Variants in USP30 observed in about 807,000 individuals in gnomAD.
USP30 encodes ubiquitin carboxyl-terminal hydrolase 30.
Under a neutral mutation model 68.2 loss-of-function variants are expected in USP30, and 41 were observed. The ratio of observed to expected loss-of-function variants is 0.60; its 90% confidence interval spans 0.47 to 0.78. The LOEUF is 0.78. Among genes scored for constraint, USP30 ranks in the 30% least tolerant of loss-of-function variants. The pLI is 0.00. For missense variants in USP30, 522 were observed against 649.4 expected (o/e 0.80, Z 2.13); for synonymous variants, 229 against 253.7 (o/e 0.90, Z 0.93).
intron 3 of USP30, among the ~76,000 whole-genome samples, chr12:109,039,693 C>A (rs573145681): frequency 6.6e-6 from 1 of 152,110 alleles, no homozygotes; most frequent in Non-Finnish European, 1.5e-5. Context: ...TCACTGCAAC[C>A]TCCACCTCCC....
Position 109,041,960 on chromosome 12 carries a change from T to G in USP30, c.-135-5630T>G, listed in dbSNP as rs1042455327. ...ACTTATAGAGTATCTCTCAAATTAT[T>G]TTTTAATTATAAAAAAATTGTAGAA... On this transcript the variant is annotated intron_variant, in intron 3 of 15. Coordinates refer to the USP30 transcript ENST00000392784. Among the ~76,000 whole-genome samples the G allele has an allele frequency of 3.3e-5, 5 of 152,232 alleles. No homozygotes were observed. The East Asian group carries it at 9.6e-4, about 29-fold the overall frequency.
At chr12:109,051,139 C>G (rs759277582), upstream of USP30, among the ~76,000 whole-genome samples, 1 of 152,134 alleles carries the variant, frequency 6.6e-6, no homozygotes, top group Non-Finnish European at 1.5e-5. Context: ...ATCCTCTCAC[C>G]TGGCCTCCCA....
chr12:109,035,905 G>A (rs576468639), intron 3 of USP30, among the ~76,000 whole-genome samples: 1 of 152,278 alleles, frequency 6.6e-6, no homozygotes, highest in South Asian at 2.1e-4. Flanking sequence ...ACTTATGTCT[G>A]TAATCCTAGC....
At chr12:109,065,015 A>G (rs2041203459) in intron 3 of USP30, among the ~76,000 whole-genome samples, 1 of 152,164 alleles carries the variant, frequency 6.6e-6, no homozygotes, top group Non-Finnish European at 1.5e-5. Context: ...GGACTTTATT[A>G]TTATTTTTTT....
At chr12:109,076,221 G>A (rs2041599397) in intron 7 of USP30, among the ~76,000 whole-genome samples, 1 of 152,088 alleles carries the variant, frequency 6.6e-6, no homozygotes, top group Non-Finnish European at 1.5e-5. Flanking sequence ...TTTGCCACTA[G>A]TATATAGACA....
At chr12:109,041,089 T>C (rs1339431048) in intron 3 of USP30, among the ~76,000 whole-genome samples, 1 of 152,230 alleles carries the variant, frequency 6.6e-6, no homozygotes, top group Non-Finnish European at 1.5e-5. Context: ...TCAACTGAGC[T>C]GGCCTCTGAT....
chr12:109,060,304 T>A (rs1272675739), intron 3 of USP30, among the ~76,000 whole-genome samples: 1 of 152,172 alleles, frequency 6.6e-6, no homozygotes, highest in African/African-American at 2.4e-5. Context: ...TTAAAATCAT[T>A]TTTGGAAAAA....
chr12:109,062,579 T>C (rs891118039), intron 3 of USP30, among the ~76,000 whole-genome samples: 13 of 151,870 alleles, frequency 8.6e-5, no homozygotes, highest in East Asian at 2.0e-4. Flanking sequence ...CCGCCCGCCT[T>C]GGCCTCCCAA....
intron 1 of USP30, chr12:109,052,968 G>C: frequency 2.2e-6 from 1 of 449,314 alleles, no homozygotes; most frequent in Non-Finnish European, 3.8e-6. Context: ...AATTCTGTCT[G>C]CACTCCCCAG....
At chr12:109,023,348 T>A (rs1426074478) in intron 1 of USP30, among the ~76,000 whole-genome samples, 4 of 151,692 alleles carry the variant, frequency 2.6e-5, no homozygotes, top group Non-Finnish European at 5.9e-5. Context: ...AGGTCAGGAG[T>A]TCCAGACCAG....
At chr12:109,045,167 C>T (rs530400837) in intron 3 of USP30, among the ~76,000 whole-genome samples, 301 of 151,952 alleles carry the variant, frequency 2.0e-3, no homozygotes, top group Non-Finnish European at 2.2e-3. Context: ...TTAGTAGAGA[C>T]GGGGTTTCAC....
chr12:109,055,400 A>ATATATATATATTTTTTT (rs1298811530), intron 1 of USP30, among the ~76,000 whole-genome samples: 4 of 24,470 alleles, frequency 1.6e-4, no homozygotes, highest in African/African-American at 4.4e-4. Context: ...ATATATATAT[A>ATATATATATATTTTTTT]TTTTTTTTTT....
rs751015493 is a variant in USP30, at chr12:109,085,066, G to A, written c.1282G>A (p.Asp428Asn). ...PMPFPLPVVPDYSSSTYLFRL... is the reference protein window; with the variant it reads ...PMPFPLPVVPNYSSSTYLFRL... ...GCCCTTCCCTCTCCCAGTTGTTCCC[G>A]ACTACAGGTGAGCCACCCTTTACAA... is the stretch of plus-strand genomic sequence containing the variant. Residue 428 changes from aspartate to asparagine, a missense_variant, in exon 12 of 13, where the codon GAC becomes AAC. Asp to Asn is a conservative substitution (Grantham distance 23). Transcript: ENST00000257548. 8.2e-6 allele frequency: 13 copies of A among 1,581,386 alleles called. No homozygotes were observed. Among genetic ancestry groups the A allele is most frequent in the East Asian group, 4.6e-5 (2 of 43,596 alleles).
At chr12:109,035,789 T>C (rs183306121) in intron 3 of USP30, among the ~76,000 whole-genome samples, 1 of 152,358 alleles carries the variant, frequency 6.6e-6, no homozygotes, top group Admixed American at 6.5e-5. Context: ...CTTTAGGCAT[T>C]GTGTGCCCAT....
At chr12:109,036,109 A>G (rs1183380315) in intron 3 of USP30, among the ~76,000 whole-genome samples, 2 of 152,202 alleles carry the variant, frequency 1.3e-5, no homozygotes, top group Admixed American at 1.3e-4. Flanking sequence ...GAAGTGAGTC[A>G]GGGTTTCACC....
At chr12:109,033,741 C>T (rs1329702157) in intron 3 of USP30, among the ~76,000 whole-genome samples, 1 of 152,136 alleles carries the variant, frequency 6.6e-6, no homozygotes, top group Admixed American at 6.5e-5. Context: ...GTGCTGGGAG[C>T]AGGTAAGTAC....
At chr12:109,052,867 C>T (rs1191246000) in intron 1 of USP30, 106 bp downstream of exon 1, 15 of 1,180,606 alleles carry the variant, frequency 1.3e-5, no homozygotes, top group Non-Finnish European at 1.7e-5. Flanking sequence ...AGGGCCCGCG[C>T]GGGCATTCTG....
Position 109,073,469 on chromosome 12 carries a change from G to C in USP30, c.657G>C (p.Lys219Asn), listed in dbSNP as rs1287000581. The C allele has an allele frequency of 6.2e-7, 1 of 1,614,130 alleles. No homozygotes were observed. The highest frequency in any genetic ancestry group is 2.2e-5 in the East Asian group (1 of 44,888). ...GSPHPTSNHW[K>N]SQHPFHGRLT... Reference sequence around the variant, plus strand: ...CTCACCCTACATCCAATCACTGGAAGTCTCAACATCCTTTTCATGGAAGAC... The same window carrying C: ...CTCACCCTACATCCAATCACTGGAACTCTCAACATCCTTTTCATGGAAGAC... Residue 219 changes from lysine to asparagine, a missense_variant, in exon 7 of 13, where the codon AAG becomes AAC. Physicochemically the swap from Lys to Asn is moderately conservative, Grantham distance 94. Transcript: ENST00000257548.
At chr12:109,028,906 G>T (rs1168186486) in intron 3 of USP30, among the ~76,000 whole-genome samples, 4 of 152,200 alleles carry the variant, frequency 2.6e-5, no homozygotes, top group Non-Finnish European at 5.9e-5. Context: ...TCCAACACTG[G>T]AGATTACATT....
Sources: gnomAD v4.1 joint callset for allele counts (sites outside exome capture counted in the v4.1 genomes callset) on GRCh38, gnomAD v4.1.1 for gene constraint, MANE v1.5 for transcripts, NCBI Gene and HGNC (gene_info 2026-07-23, HGNC 2026-07-21) for gene names.